The following PTPN4 variants were observed in gnomAD, a reference collection of about 807,000 sequenced individuals.
PTPN4 encodes the protein tyrosine-protein phosphatase non-receptor type 4.
PTPN4 carries 49 observed loss-of-function variants against 135.5 expected under a neutral mutation model. The ratio of observed to expected loss-of-function variants is 0.36; its 90% CI spans 0.29 to 0.46. PTPN4 has a LOEUF of 0.46. Among genes scored for constraint, PTPN4 ranks in the 20% least tolerant of loss-of-function variants. The pLI is 1.00. For missense variants in PTPN4, 860 were observed against 1,101.0 expected, an observed-to-expected ratio of 0.78 and a Z score of 3.10; for synonymous variants, 333 against 369.9, an observed-to-expected ratio of 0.90 and a Z score of 1.14.
Position 119,976,968 on chromosome 2 carries a change from AT to A in PTPN4, c.2695-15del. On this transcript the variant is annotated splice_polypyrimidine_tract_variant and intron_variant, in intron 26 of 26. Coordinates refer to ENST00000263708, the MANE Select transcript of PTPN4 (RefSeq NM_002830.4). ...ACTTTTCTGATCAGTTCTGTTTTTT[AT>A]ATTTTATTTTTCAGAGTCAATACAG... 6.3e-7 allele frequency: 1 copy of A among 1,596,880 alleles called. No homozygotes were observed. Among genetic ancestry groups the A allele is most frequent in the Non-Finnish European group, 8.5e-7 (1 of 1,175,738 alleles).
intron 9 of PTPN4, among the ~76,000 whole-genome samples, chr2:119,892,059 T>C (rs1410400598): frequency 2.0e-5 from 3 of 152,156 alleles, no homozygotes; most frequent in South Asian, 2.1e-4. Flanking sequence ...GTAAAGTAGA[T>C]AAAACTGAAC....
chr2:119,965,262 A>C (rs1419241143), intron 24 of PTPN4, among the ~76,000 whole-genome samples: 1 of 152,164 alleles, frequency 6.6e-6, no homozygotes, highest in South Asian at 2.1e-4. Context: ...TAGAGCAGTT[A>C]AGGGGAACTA....
intron 1 of PTPN4, among the ~76,000 whole-genome samples, chr2:119,789,738 A>G (rs951933791): frequency 6.6e-6 from 1 of 151,766 alleles, no homozygotes; most frequent in South Asian, 2.1e-4. Context: ...CTTCTTTATT[A>G]TTTTTTGAGA....
intron 15 of PTPN4, among the ~76,000 whole-genome samples, chr2:119,943,253 T>C (rs902925083): frequency 3.9e-5 from 6 of 152,210 alleles, no homozygotes; most frequent in Non-Finnish European, 8.8e-5. Context: ...ACAACACTTA[T>C]TTACTAGGTG....
At chr2:119,864,320 C>A (rs1328171982) in intron 3 of PTPN4, among the ~76,000 whole-genome samples, 1 of 152,054 alleles carries the variant, frequency 6.6e-6, no homozygotes, top group Non-Finnish European at 1.5e-5. Flanking sequence ...TTTTTAAATG[C>A]CTTTCTTGCC....
intron 1 of PTPN4, among the ~76,000 whole-genome samples, chr2:119,766,587 A>G (rs1315216299): frequency 6.6e-6 from 1 of 152,078 alleles, no homozygotes; most frequent in Admixed American, 6.5e-5. Context: ...ATCAGCATTA[A>G]CATTCAGGAA....
intron 2 of PTPN4, among the ~76,000 whole-genome samples, chr2:119,851,526 T>G (rs545267038): frequency 1.3e-5 from 2 of 152,176 alleles, no homozygotes; most frequent in Admixed American, 6.5e-5. Flanking sequence ...GCTGTCCATA[T>G]GCACAGTGCC....
intron 1 of PTPN4, among the ~76,000 whole-genome samples, chr2:119,784,586 G>A (rs571868726): frequency 7.5e-4 from 113 of 151,248 alleles, no homozygotes; most frequent in African/African-American, 1.9e-3. Flanking sequence ...ACAGGGTTTC[G>A]CTGTGTTAGC....
At chr2:119,849,174 A>G (rs1011238103) in intron 2 of PTPN4, among the ~76,000 whole-genome samples, 4 of 152,132 alleles carry the variant, frequency 2.6e-5, no homozygotes, top group African/African-American at 7.2e-5. Context: ...GCTTTGAAGT[A>G]TTGTTCAGTC....
Position 119,983,778 on chromosome 2 carries a change from T to C in PTPN4, c.*6708T>C, listed in dbSNP as rs780316677. ...AGCTTTGCAGGTTTTCTGTAATTTATGTAGCACAATAAAGGATAACCAGTT... is the reference window on the plus strand; with the variant it reads ...AGCTTTGCAGGTTTTCTGTAATTTACGTAGCACAATAAAGGATAACCAGTT... On this transcript the variant is annotated 3_prime_UTR_variant, in exon 27 of 27. Transcript: ENST00000263708. 6.6e-6 allele frequency: 1 copy of C among 152,210 alleles called. No homozygotes were observed. The highest frequency in any genetic ancestry group is 2.4e-5 in the African/African-American group (1 of 41,446). The allele number at this position is 152,210 out of a possible 1,614,324, so 9.4% of individuals were successfully genotyped here.
intron 2 of PTPN4, among the ~76,000 whole-genome samples, chr2:119,841,276 A>G (rs1479318765): frequency 6.6e-6 from 1 of 152,234 alleles, no homozygotes; most frequent in East Asian, 1.9e-4. Context: ...CTTACACATT[A>G]CTGTAATAAA....
intron 1 of PTPN4, among the ~76,000 whole-genome samples, chr2:119,779,980 A>G (rs976825743): frequency 6.6e-6 from 1 of 152,164 alleles, no homozygotes; most frequent in Non-Finnish European, 1.5e-5. Flanking sequence ...TCCTGGACTC[A>G]AGAACTCTGC....
At chr2:119,841,514 C>T (rs1160343022) in intron 2 of PTPN4, among the ~76,000 whole-genome samples, 3 of 152,152 alleles carry the variant, frequency 2.0e-5, no homozygotes, top group Non-Finnish European at 2.9e-5. Flanking sequence ...CCATTGAATG[C>T]ATGTGTTTTT....
At chr2:119,823,197 T>C (rs941974132) in intron 2 of PTPN4, among the ~76,000 whole-genome samples, 2 of 152,154 alleles carry the variant, frequency 1.3e-5, no homozygotes, top group African/African-American at 4.8e-5. Flanking sequence ...GAAAGCTCTC[T>C]TCTCTGTGAT....
At chr2:119,871,492 A>G (rs1482460469) in intron 3 of PTPN4, among the ~76,000 whole-genome samples, 3 of 152,090 alleles carry the variant, frequency 2.0e-5, no homozygotes, top group Admixed American at 6.5e-5. Context: ...ACTTGCGCTC[A>G]GGAGTTCTGG....
intron 26 of PTPN4, among the ~76,000 whole-genome samples, chr2:119,974,276 A>C (rs1285980368): frequency 6.6e-6 from 1 of 152,088 alleles, no homozygotes; most frequent in African/African-American, 2.4e-5. Context: ...CAATGGCGCA[A>C]TCTTGGCTCA....
chr2:119,886,312 A>G (rs1478292496), intron 9 of PTPN4, among the ~76,000 whole-genome samples: 1 of 152,218 alleles, frequency 6.6e-6, no homozygotes, highest in African/African-American at 2.4e-5. Context: ...TATAAAGCAC[A>G]ACATGGAGCA....
intron 1 of PTPN4, among the ~76,000 whole-genome samples, chr2:119,785,133 A>G (rs535232714): frequency 3.7e-4 from 57 of 152,316 alleles, no homozygotes; most frequent in African/African-American, 1.1e-3. Flanking sequence ...TGGAGCCAGT[A>G]GCACTTTACC....
chr2:119,804,492 A>G (rs1385794468), intron 1 of PTPN4, among the ~76,000 whole-genome samples: 2 of 151,984 alleles, frequency 1.3e-5, no homozygotes, highest in African/African-American at 2.4e-5. Flanking sequence ...AAGTGTTCTC[A>G]TTGTTCATTT....
Sources: gnomAD v4.1 joint callset for allele counts (sites outside exome capture counted in the v4.1 genomes callset) on GRCh38, gnomAD v4.1.1 for gene constraint, MANE v1.5 for transcripts, NCBI Gene and HGNC (gene_info 2026-07-23, HGNC 2026-07-21) for gene names.